Variants in LTBP1 observed in about 807,000 individuals in gnomAD.
LTBP1 encodes the protein latent-transforming growth factor beta-binding protein 1.
Under a neutral mutation model 207.6 loss-of-function variants are expected in LTBP1, and 129 were observed. The ratio of observed to expected loss-of-function variants is 0.62; its 90% CI spans 0.54 to 0.72. The LOEUF (loss-of-function observed/expected upper bound fraction) is 0.72. LTBP1 is among the 30% of genes least tolerant of loss of function. The pLI is 0.00. For synonymous variants in LTBP1, 963 were observed against 833.7 expected (o/e 1.16, Z -2.67); for missense variants, 2,281 against 2,217.2 (o/e 1.03, Z -0.58).
At chr2:33,333,817 G>A (rs568156695) in intron 24 of LTBP1, among the ~76,000 whole-genome samples, 19 of 152,134 alleles carry the variant, frequency 1.2e-4, no homozygotes, top group African/African-American at 3.6e-4. Flanking sequence ...GATCTAGACC[G>A]CATGTGAAGC....
At position 33,115,928 on chromosome 2, in the gene LTBP1, G is replaced by A. The variant is rs373637350; in HGVS notation, c.1033+5177G>A. 1.3e-4 allele frequency among the ~76,000 whole-genome samples: 20 copies of A among 152,288 alleles called. No homozygotes were observed. In the East Asian group the frequency reaches 1.9e-3, roughly 15 times the overall value. ...TGTCTACATCATACTATGTGCTGAC[G>A]TAGTAAAAATGATATGGAATGCTTT... On this transcript the variant is annotated intron_variant, in intron 4 of 33. Coordinates refer to ENST00000404816, the MANE Select transcript of LTBP1 (RefSeq NM_206943.4).
chr2:33,380,854 T>A (rs987749910), intron 31 of LTBP1, among the ~76,000 whole-genome samples: 2 of 152,194 alleles, frequency 1.3e-5, no homozygotes, highest in African/African-American at 2.4e-5. Flanking sequence ...CTTAAGCACA[T>A]GCTTAGTTCC....
chr2:33,062,861 G>A (rs2149652125), intron 3 of LTBP1, among the ~76,000 whole-genome samples: 1 of 152,344 alleles, frequency 6.6e-6, no homozygotes. Context: ...TGTGAGTCAT[G>A]TCCCAGGTGG....
At chr2:33,374,821 G>A (rs1043048555) in intron 31 of LTBP1, among the ~76,000 whole-genome samples, 9 of 152,128 alleles carry the variant, frequency 5.9e-5, no homozygotes, top group Admixed American at 1.3e-4. Flanking sequence ...GTGTGGTGGC[G>A]TGTGCCTCTA....
intron 5 of LTBP1, among the ~76,000 whole-genome samples, chr2:33,156,414 T>C (rs1356742861): frequency 6.6e-6 from 1 of 152,286 alleles, no homozygotes. Context: ...GAGTACTTTC[T>C]TCCATCGCAT....
chr2:33,116,399 G>T (rs145144291), intron 4 of LTBP1, among the ~76,000 whole-genome samples: 28 of 152,216 alleles, frequency 1.8e-4, no homozygotes, highest in African/African-American at 6.7e-4. Context: ...TACGTTTTAG[G>T]CATGGCAGAT....
intron 3 of LTBP1, among the ~76,000 whole-genome samples, chr2:33,063,971 A>G (rs561690673): frequency 1.3e-5 from 2 of 151,846 alleles, no homozygotes; most frequent in African/African-American, 4.8e-5. Context: ...CTCCTGCCTC[A>G]GCCTCCTGAG....
intron 7 of LTBP1, among the ~76,000 whole-genome samples, chr2:33,200,595 G>A (rs942298168): frequency 1.9e-4 from 29 of 152,282 alleles, no homozygotes; most frequent in Admixed American, 1.7e-3. Flanking sequence ...AACACCAAAA[G>A]CAATGGCAAC....
At chr2:33,328,720 T>C (rs933093798) in intron 24 of LTBP1, among the ~76,000 whole-genome samples, 2 of 152,150 alleles carry the variant, frequency 1.3e-5, no homozygotes, top group Admixed American at 1.3e-4. Flanking sequence ...CAAGGTAAGA[T>C]TTTGGGTGGG....
chr2:33,374,017 T>C (rs2095104964), intron 31 of LTBP1, among the ~76,000 whole-genome samples: 1 of 152,214 alleles, frequency 6.6e-6, no homozygotes, highest in Non-Finnish European at 1.5e-5. Flanking sequence ...CTTCCATATC[T>C]GTGCATGGCT....
chr2:33,202,030 C>A (rs975298685), intron 7 of LTBP1, among the ~76,000 whole-genome samples: 2 of 135,604 alleles, frequency 1.5e-5, no homozygotes, highest in Non-Finnish European at 3.3e-5. Context: ...GGAACACACA[C>A]ACACACACAC....
intron 4 of LTBP1, among the ~76,000 whole-genome samples, chr2:33,127,519 C>T (rs1392404481): frequency 6.6e-6 from 1 of 152,162 alleles, no homozygotes; most frequent in Admixed American, 6.5e-5. Context: ...TCTTCATTTC[C>T]AACCCCCGTA....
intron 4 of LTBP1, among the ~76,000 whole-genome samples, chr2:33,127,614 A>G (rs1050991189): frequency 2.0e-4 from 30 of 152,182 alleles, no homozygotes; most frequent in Admixed American, 1.8e-3. Flanking sequence ...TTTGTTATAG[A>G]TAGAAAAGGA....
intron 2 of LTBP1, among the ~76,000 whole-genome samples, chr2:32,962,586 A>C (rs72789871): frequency 0.011 from 1,718 of 152,340 alleles, 10 homozygotes; most frequent in Non-Finnish European, 0.018. Context: ...AAATCAATGA[A>C]TACTGAGATT....
intron 11 of LTBP1, among the ~76,000 whole-genome samples, chr2:33,255,793 A>T (rs1278866074): frequency 6.6e-6 from 1 of 152,178 alleles, no homozygotes; most frequent in African/African-American, 2.4e-5. Context: ...CTTGAGAACT[A>T]ATTTTAGGTC....
intron 32 of LTBP1, among the ~76,000 whole-genome samples, chr2:33,391,855 A>G (rs1000340672): frequency 7.9e-5 from 12 of 152,264 alleles, no homozygotes; most frequent in South Asian, 6.2e-4. Flanking sequence ...TGTCACATCA[A>G]TCTCTTATTT....
chr2:33,119,165 G>GGTT (rs2080957518), intron 4 of LTBP1, among the ~76,000 whole-genome samples: 1 of 88,432 alleles, frequency 1.1e-5, no homozygotes, highest in South Asian at 3.9e-4. Context: ...GAGTCAGACT[G>GGTT]ATTTTTTTTT....
chr2:33,213,836 C>T (rs1022014459), intron 7 of LTBP1, among the ~76,000 whole-genome samples: 1 of 152,242 alleles, frequency 6.6e-6, no homozygotes, highest in Non-Finnish European at 1.5e-5. Flanking sequence ...GTACCACCTA[C>T]ACTACCATTT....
intron 23 of LTBP1, among the ~76,000 whole-genome samples, chr2:33,311,916 AG>A (rs2094193677): frequency 6.6e-6 from 1 of 152,220 alleles, no homozygotes; most frequent in African/African-American, 2.4e-5. Context: ...TTCCAGAATA[AG>A]TTAATATGTC....
Sources: gnomAD v4.1 joint callset for allele counts (sites outside exome capture counted in the v4.1 genomes callset) on GRCh38, gnomAD v4.1.1 for gene constraint, MANE v1.5 for transcripts, NCBI Gene and HGNC (gene_info 2026-07-23, HGNC 2026-07-21) for gene names.